SEMA3C: variants seen among roughly 807,000 people sequenced by gnomAD.
SEMA3C encodes the protein semaphorin-3C.
Under a neutral mutation model 89.4 loss-of-function variants are expected in SEMA3C, and 47 were observed. The ratio of observed to expected loss-of-function variants is 0.53; its 90% CI spans 0.42 to 0.67. The LOEUF is 0.67. SEMA3C is among the 30% of genes least tolerant of loss of function. The probability of loss-of-function intolerance (pLI) is 0.00; values close to 1 mark genes in which losing one functional copy is unlikely to be tolerated. For missense variants in SEMA3C, 839 were observed against 929.1 expected (o/e 0.90, Z 1.26); for synonymous variants, 310 against 320.2 (o/e 0.97, Z 0.34).
chr7:80,762,549 T>C (rs949987531), intron 13 of SEMA3C, among the ~76,000 whole-genome samples: 4 of 152,236 alleles, frequency 2.6e-5, no homozygotes, highest in African/African-American at 9.6e-5. Context: ...TGGGGTGCAG[T>C]GGCTCACGCC....
intron 4 of SEMA3C, among the ~76,000 whole-genome samples, chr7:80,822,078 T>C (rs976625443): frequency 6.6e-6 from 1 of 152,312 alleles, no homozygotes; most frequent in African/African-American, 2.4e-5. Flanking sequence ...ATAGTGTCAA[T>C]TCCATCCTGC....
chr7:80,851,802 T>C (rs1015389427), intron 2 of SEMA3C, among the ~76,000 whole-genome samples: 1 of 152,110 alleles, frequency 6.6e-6, no homozygotes, highest in South Asian at 2.1e-4. Context: ...AAAAGTTGAA[T>C]ATAATCCACT....
chr7:80,881,786 T>G (rs1018665092), intron 2 of SEMA3C, among the ~76,000 whole-genome samples: 2 of 152,132 alleles, frequency 1.3e-5, no homozygotes, highest in South Asian at 4.1e-4. Flanking sequence ...AGGCAGTGCA[T>G]TAATATGAAG....
chr7:80,882,176 C>T (rs532293989), intron 2 of SEMA3C, among the ~76,000 whole-genome samples: 16 of 152,228 alleles, frequency 1.1e-4, no homozygotes, highest in South Asian at 4.1e-4. Context: ...ACACCTCATT[C>T]TCAAAATGCC....
chr7:80,868,854 C>T (rs1054034019), intron 2 of SEMA3C, among the ~76,000 whole-genome samples: 1 of 152,050 alleles, frequency 6.6e-6, no homozygotes, highest in African/African-American at 2.4e-5. Flanking sequence ...CAACCAAAAA[C>T]ATTTTAGAAA....
rs757475271 is a variant in SEMA3C, at chr7:80,798,189, A to G, written c.1034T>C (p.Ile345Thr). Reference protein sequence around the residue: ...SAVCVYHLSDIQTVFNGPFAH... With the variant: ...SAVCVYHLSDTQTVFNGPFAH... ...AAAAGGCCCATTAAACACAGTCTGTATATCAGATAAATGATACACACACAC... is the reference window on the plus strand; with the variant it reads ...AAAAGGCCCATTAAACACAGTCTGTGTATCAGATAAATGATACACACACAC... Residue 345 changes from isoleucine (I) to threonine (T), a missense_variant, in exon 11 of 18, where the codon ATA (isoleucine) becomes ACA (threonine). Coordinates refer to ENST00000265361, the MANE Select transcript of SEMA3C (RefSeq NM_006379.5). 6.1e-5 allele frequency: 97 copies of G among 1,590,566 alleles called. No individual in the cohort carries two copies. Among genetic ancestry groups the G allele is most frequent in the Non-Finnish European group, 8.0e-5 (94 of 1,170,788 alleles).
chr7:80,921,863 T>C (rs1792415033), upstream of SEMA3C, among the ~76,000 whole-genome samples: 1 of 152,184 alleles, frequency 6.6e-6, no homozygotes, highest in Non-Finnish European at 1.5e-5. Flanking sequence ...CTTAAAACTC[T>C]AGCACCGATG....
intron 2 of SEMA3C, chr7:80,847,391 T>C (rs1790414776): frequency 6.6e-6 from 1 of 152,178 alleles, no homozygotes; most frequent in Admixed American, 6.5e-5. Context: ...TAAACATTAA[T>C]TCAGCCACGC....
intron 15 of SEMA3C, among the ~76,000 whole-genome samples, chr7:80,754,972 G>GTTTTTTT (rs1788032992): frequency 6.8e-5 from 2 of 29,534 alleles, no homozygotes; most frequent in African/African-American, 2.9e-4. Flanking sequence ...TTTTTTTTTT[G>GTTTTTTT]TATTTTTAGT....
intron 2 of SEMA3C, among the ~76,000 whole-genome samples, chr7:80,865,687 C>T (rs1053216887): frequency 1.3e-5 from 2 of 151,828 alleles, no homozygotes; most frequent in South Asian, 2.1e-4. Context: ...ATCAGCTATT[C>T]GGGAGGCTGA....
Position 80,798,126 on chromosome 7 carries a change from T to A in SEMA3C, c.1097A>T (p.Tyr366Phe). Residue 366 changes from tyrosine to phenylalanine, a missense_variant, in exon 11 of 18, where the codon TAT (tyrosine) becomes TTT (phenylalanine). Tyr to Phe is a conservative substitution (Grantham distance 22). Coordinates refer to ENST00000265361, the MANE Select transcript of SEMA3C (RefSeq NM_006379.5). ...GCGAGGATATGGAATTCTGCCCTGA[T>A]AGGAAATCAGCTGATGATTGGGCCC... is the stretch of plus-strand genomic sequence containing the variant. ...KEGPNHQLIS[Y>F]QGRIPYPRPG... 1 of 1,607,612 alleles carries A rather than the reference T, an allele frequency of 6.2e-7. No individual in the cohort carries two copies. The highest frequency in any genetic ancestry group is 1.1e-5 in the South Asian group (1 of 89,836).
At chr7:80,913,958 C>T (rs56125951) in intron 2 of SEMA3C, among the ~76,000 whole-genome samples, 1 of 152,172 alleles carries the variant, frequency 6.6e-6, no homozygotes, top group Admixed American at 6.5e-5. Context: ...TGAGTGGTTT[C>T]TTCTCAAGTT....
chr7:80,844,001 C>T (rs1790332082), intron 2 of SEMA3C, among the ~76,000 whole-genome samples: 1 of 151,998 alleles, frequency 6.6e-6, no homozygotes, highest in Admixed American at 6.6e-5. Context: ...ATGTTATTAA[C>T]CAAGTTTTAT....
intron 2 of SEMA3C, among the ~76,000 whole-genome samples, chr7:80,845,321 T>C (rs1000381789): frequency 1.3e-5 from 2 of 152,132 alleles, no homozygotes; most frequent in Non-Finnish European, 2.9e-5. Context: ...GAAACGTGCA[T>C]TTCCTGAGTA....
chr7:80,823,841 G>A (rs1465688096), intron 4 of SEMA3C, among the ~76,000 whole-genome samples: 1 of 152,008 alleles, frequency 6.6e-6, no homozygotes, highest in East Asian at 1.9e-4. Flanking sequence ...TATTGTTTAA[G>A]CTCAATTTAT....
At chr7:80,897,090 A>G (rs1285441358) in intron 2 of SEMA3C, among the ~76,000 whole-genome samples, 2 of 152,196 alleles carry the variant, frequency 1.3e-5, no homozygotes, top group Non-Finnish European at 2.9e-5. Flanking sequence ...ACTGGCACAC[A>G]TTTTTGGAAT....
At chr7:80,827,396 T>G in intron 4 of SEMA3C, 29 bp downstream of exon 4, 4 of 917,472 alleles carry the variant, frequency 4.4e-6, no homozygotes, top group South Asian at 2.6e-5. Context: ...GTTAGTGTTT[T>G]TTTTTTTTTT....
chr7:80,868,166 C>G (rs1431056216), intron 2 of SEMA3C, among the ~76,000 whole-genome samples: 1 of 152,156 alleles, frequency 6.6e-6, no homozygotes, highest in South Asian at 2.1e-4. Flanking sequence ...GTGCATGTCT[C>G]TCTCCCAGGA....
intron 2 of SEMA3C, among the ~76,000 whole-genome samples, chr7:80,895,755 T>TAG (rs1217461273): frequency 1.3e-4 from 20 of 152,284 alleles, no homozygotes; most frequent in Non-Finnish European, 2.9e-5. Flanking sequence ...TTGTTAAAGA[T>TAG]ACAAACAGCT....
Sources: gnomAD v4.1 joint callset for allele counts (sites outside exome capture counted in the v4.1 genomes callset) on GRCh38, gnomAD v4.1.1 for gene constraint, MANE v1.5 for transcripts, NCBI Gene and HGNC (gene_info 2026-07-23, HGNC 2026-07-21) for gene names.